The following BTBD9 variants were observed in gnomAD, a reference collection of about 807,000 sequenced individuals.
BTBD9 encodes BTB domain containing 9, also known as BTB/POZ domain-containing protein 9.
In BTBD9, 49 loss-of-function variants were observed where a neutral mutation model predicts 64.3. The observed-to-expected ratio is 0.76, with a 90% CI of 0.61 to 0.97. BTBD9 has a LOEUF of 0.97. BTBD9 is among the 50% of genes least tolerant of loss of function. BTBD9 has a pLI of 0.00. For missense variants in BTBD9, 598 were observed against 762.1 expected (o/e 0.78, Z 2.53); for synonymous variants, 260 against 274.7 (o/e 0.95, Z 0.53).
chr6:38,425,562 A>G (rs971008431), intron 6 of BTBD9, among the ~76,000 whole-genome samples: 1 of 151,780 alleles, frequency 6.6e-6, no homozygotes, highest in Admixed American at 6.6e-5. Context: ...ATAGGGAGAG[A>G]GAATAGGAGA....
chr6:38,443,315 G>C (rs922971016), intron 6 of BTBD9, among the ~76,000 whole-genome samples: 3 of 152,114 alleles, frequency 2.0e-5, no homozygotes, highest in African/African-American at 2.4e-5. Context: ...CTAGGTGAAG[G>C]GGTGAGAATA....
chr6:38,277,222 G>A (rs1029938472), intron 8 of BTBD9, among the ~76,000 whole-genome samples: 1 of 152,022 alleles, frequency 6.6e-6, no homozygotes, highest in African/African-American at 2.4e-5. Context: ...GAAACTTGAA[G>A]TTTTTTTCAA....
chr6:38,546,279 A>T (rs1582612087), intron 6 of BTBD9, among the ~76,000 whole-genome samples: 1 of 152,202 alleles, frequency 6.6e-6, no homozygotes, highest in South Asian at 2.1e-4. Flanking sequence ...CAACATACCA[A>T]GAATATCAGA....
intron 6 of BTBD9, among the ~76,000 whole-genome samples, chr6:38,488,796 T>C (rs1270888310): frequency 6.6e-6 from 1 of 152,142 alleles, no homozygotes; most frequent in Non-Finnish European, 1.5e-5. Flanking sequence ...ATTAAGAAAA[T>C]TATTTTTCAA....
intron 6 of BTBD9, among the ~76,000 whole-genome samples, chr6:38,527,763 C>T (rs890716161): frequency 2.1e-5 from 3 of 141,320 alleles, no homozygotes; most frequent in Non-Finnish European, 4.4e-5. Flanking sequence ...TAATCAGAAA[C>T]CAATTTCCTA....
At chr6:38,412,635 G>T (rs1260336804) in intron 6 of BTBD9, among the ~76,000 whole-genome samples, 1 of 151,728 alleles carries the variant, frequency 6.6e-6, no homozygotes, top group African/African-American at 2.4e-5. Flanking sequence ...AAGGTAGGCA[G>T]ATCAAACGAG....
chr6:38,502,632 T>C (rs1772268028), intron 6 of BTBD9, among the ~76,000 whole-genome samples: 1 of 152,220 alleles, frequency 6.6e-6, no homozygotes, highest in Admixed American at 6.5e-5. Flanking sequence ...ATGAGCAGGA[T>C]ATCTTCATCT....
At chr6:38,199,069 C>T (rs978268093) in intron 9 of BTBD9, among the ~76,000 whole-genome samples, 1 of 152,068 alleles carries the variant, frequency 6.6e-6, no homozygotes, top group Non-Finnish European at 1.5e-5. Flanking sequence ...AATCCCTTCC[C>T]CTCCTTCCTG....
chr6:38,601,531 T>TA (rs1313526097), intron 1 of BTBD9, among the ~76,000 whole-genome samples: 7 of 151,780 alleles, frequency 4.6e-5, no homozygotes, highest in African/African-American at 1.7e-4. Flanking sequence ...CAAAAAAATT[T>TA]AAAAATTAGC....
chr6:38,438,220 G>A lies in BTBD9; in HGVS notation c.1155-93127C>T, dbSNP rs928986827. ...GGAGGAAAGGAAGGAGGGAGGGAGG[G>A]AGGGAGGGAGGGAGGGAGGGAGGGA... On this transcript the variant is annotated intron_variant, in intron 6 of 10. Coordinates refer to ENST00000481247, the MANE Select transcript of BTBD9 (RefSeq NM_001099272.2). 8.0e-5 allele frequency among the ~76,000 whole-genome samples: 4 copies of A among 49,890 alleles called. No homozygotes were observed. The South Asian group carries it at 2.9e-3, about 36-fold the overall frequency. The allele number at this position is 49,890 out of a possible 152,430, so 32.7% of individuals were successfully genotyped here. A position where few individuals can be genotyped will look rare whatever the true frequency, so the allele number is the denominator to read the frequency against.
intron 6 of BTBD9, among the ~76,000 whole-genome samples, chr6:38,505,430 G>C (rs1230343598): frequency 6.6e-6 from 1 of 151,974 alleles, no homozygotes; most frequent in African/African-American, 2.4e-5. Flanking sequence ...TTTGAGATTA[G>C]CGAGGCCAAC....
intron 6 of BTBD9, among the ~76,000 whole-genome samples, chr6:38,381,863 G>A (rs1582332196): frequency 1.3e-5 from 2 of 151,560 alleles, no homozygotes; most frequent in East Asian, 1.9e-4. Context: ...AAGAATCCAC[G>A]GGTCAAAGAA....
intron 6 of BTBD9, among the ~76,000 whole-genome samples, chr6:38,374,300 T>TATATATATATATATATATATATAC: frequency 1.2e-5 from 1 of 86,556 alleles, no homozygotes; most frequent in African/African-American, 7.4e-5. Context: ...TATATATGTA[T>TATATATATATATATATATATATAC]ATATATGTAT....
chr6:38,257,325 T>C (rs1764628280), intron 8 of BTBD9, among the ~76,000 whole-genome samples: 1 of 151,884 alleles, frequency 6.6e-6, no homozygotes, highest in Non-Finnish European at 1.5e-5. Context: ...TACCTCAGCC[T>C]CCCAAGTAGT....
intron 6 of BTBD9, among the ~76,000 whole-genome samples, chr6:38,505,074 C>G (rs894519950): frequency 1.3e-5 from 2 of 152,168 alleles, no homozygotes; most frequent in Non-Finnish European, 2.9e-5. Context: ...ACTATACTAC[C>G]TTTTCCTGAG....
At chr6:38,221,721 G>A (rs901970632) in intron 9 of BTBD9, among the ~76,000 whole-genome samples, 10 of 152,158 alleles carry the variant, frequency 6.6e-5, no homozygotes, top group African/African-American at 1.9e-4. Flanking sequence ...GGCCGGGTGC[G>A]GTGGCTCACG....
At chr6:38,564,709 A>G (rs1775407724) in intron 6 of BTBD9, among the ~76,000 whole-genome samples, 5 of 152,128 alleles carry the variant, frequency 3.3e-5, no homozygotes, top group Non-Finnish European at 7.3e-5. Context: ...TAACATGGTG[A>G]AACCCCATCT....
chr6:38,351,703 G>A (rs924936249), intron 6 of BTBD9, among the ~76,000 whole-genome samples: 2 of 151,846 alleles, frequency 1.3e-5, no homozygotes, highest in Non-Finnish European at 1.5e-5. Flanking sequence ...GTTTCACCAT[G>A]TTAGCCAGTA....
intron 6 of BTBD9, among the ~76,000 whole-genome samples, chr6:38,538,497 T>C (rs1317556924): frequency 6.6e-6 from 1 of 152,220 alleles, no homozygotes; most frequent in African/African-American, 2.4e-5. Flanking sequence ...AACATTCTTA[T>C]ATATAAGCAG....
Sources: allele counts gnomAD v4.1 joint callset (sites outside exome capture counted in the v4.1 genomes callset), GRCh38; gene constraint gnomAD v4.1.1; transcripts MANE v1.5; gene names NCBI Gene and HGNC (gene_info 2026-07-23, HGNC 2026-07-21).